The following STXBP3 variants were observed in gnomAD, a reference collection of about 807,000 sequenced individuals.
STXBP3 encodes the protein syntaxin binding protein 3.
A neutral mutation model predicts 85.7 loss-of-function variants in STXBP3; 41 were observed. The ratio of observed to expected loss-of-function variants is 0.48; its 90% confidence interval spans 0.37 to 0.62. The LOEUF (loss-of-function observed/expected upper bound fraction) is 0.62, where lower values mean the gene tolerates loss of function less well. Among genes scored for constraint, STXBP3 ranks in the 20% least tolerant of loss-of-function variants. The pLI is 0.00. For missense variants in STXBP3, 563 were observed against 703.1 expected (o/e 0.80, Z 2.25); for synonymous variants, 229 against 231.7 (o/e 0.99, Z 0.10).
intron 5 of STXBP3, 106 bp from the exon 6 acceptor site, chr1:108,759,877 CTG>C (rs756001514): frequency 1.0e-5 from 7 of 685,452 alleles, no homozygotes; most frequent in South Asian, 1.9e-5. Context: ...CTCATAATAA[CTG>C]TGAAAGCCAG....
intron 17 of STXBP3, 132 bp from the exon 18 acceptor site, chr1:108,807,257 CAAAAAAAAAAAA>C (rs201346701): frequency 0.013 from 9,214 of 685,406 alleles, 5 homozygotes; most frequent in Non-Finnish European, 0.016. Flanking sequence ...GACTCCACCT[CAAAAAAAAAAAA>C]AAAAAAAAAA....
rs951506721 is a variant in STXBP3 at position 108,760,172 on chromosome 1, T to C, written c.438+87T>C. ...GTTAATAAAGTATATTCTGAAGATATTTTTTATATGTATTTGGTGAATTTT... is the reference window on the plus strand; with the variant it reads ...GTTAATAAAGTATATTCTGAAGATACTTTTTATATGTATTTGGTGAATTTT... On this transcript the variant is annotated intron_variant, in intron 6 of 18. Coordinates refer to ENST00000370008, the MANE Select transcript of STXBP3 (RefSeq NM_007269.4). 1.1e-5 allele frequency: 8 copies of C among 708,910 alleles called. No homozygotes were observed. The East Asian group carries it at 1.5e-4, about 14-fold the overall frequency. 43.9% of individuals were successfully genotyped at this position (708,910 alleles called of 1,614,324 possible).
intron 6 of STXBP3, among the ~76,000 whole-genome samples, chr1:108,763,893 T>G (rs1215608804): frequency 6.6e-6 from 1 of 152,122 alleles, no homozygotes; most frequent in Non-Finnish European, 1.5e-5. Context: ...TAACTTTTTT[T>G]GTTAACTTTT....
intron 16 of STXBP3, among the ~76,000 whole-genome samples, chr1:108,798,838 T>C (rs1663171986): frequency 6.6e-6 from 1 of 152,200 alleles, no homozygotes; most frequent in Non-Finnish European, 1.5e-5. Flanking sequence ...TGTGGCAAAA[T>C]ATAATTTATT....
At position 108,796,848 on chromosome 1, in the gene STXBP3, G is replaced by A. The variant is rs888481841; in HGVS notation, c.1356+122G>A. ...AGTTCACTCTATAGATTTTGAATAA[G>A]TAAGCAATTAAAGATTTTGTTCTCT... On this transcript the variant is annotated intron_variant, in intron 15 of 18. Coordinates refer to ENST00000370008, the MANE Select transcript of STXBP3 (RefSeq NM_007269.4). 4 of 586,528 alleles carry A rather than the reference G, an allele frequency of 6.8e-6. No homozygotes were observed. The South Asian group carries it at 2.4e-4, about 35-fold the overall frequency. The allele number at this position is 586,528 out of a possible 1,614,324, so 36.3% of individuals were successfully genotyped here.
At position 108,771,541 on chromosome 1, in the gene STXBP3, C is replaced by A. The variant is rs1448482384; in HGVS notation, c.439-1124C>A. ...ATATATGATATATATCTATATATAT[C>A]ATATATAAATATATATGATATATAA... On this transcript the variant is annotated intron_variant, in intron 6 of 18. Coordinates refer to ENST00000370008, the MANE Select transcript of STXBP3 (RefSeq NM_007269.4). 2.3e-4 allele frequency among the ~76,000 whole-genome samples: 13 copies of A among 57,046 alleles called. 1 individual carries two copies. The highest frequency in any genetic ancestry group is 5.8e-4 in the African/African-American group (7 of 11,992). 37.4% of individuals were successfully genotyped at this position (57,046 alleles called of 152,430 possible).
chr1:108,749,156 C>T (rs979122637), intron 1 of STXBP3, among the ~76,000 whole-genome samples: 2 of 152,100 alleles, frequency 1.3e-5, no homozygotes, highest in Non-Finnish European at 2.9e-5. Context: ...GTGACAGTAG[C>T]AATGAAAAAT....
At position 108,793,157 on chromosome 1, in the gene STXBP3, A is replaced by ATTTTTTTTTCTTTTTTTTTTTTTTTT. The variant is rs751400870; in HGVS notation, c.964-416_964-415insCTTTTTTTTTTTTTTTTTTTTTTTTT. Among the ~76,000 whole-genome samples, 13 of 67,510 alleles carry ATTTTTTTTTCTTTTTTTTTTTTTTTT rather than the reference A, an allele frequency of 1.9e-4. 2 individuals carry two copies. Among genetic ancestry groups the ATTTTTTTTTCTTTTTTTTTTTTTTTT allele is most frequent in the South Asian group, 1.1e-3 (2 of 1,818 alleles). 44.3% of individuals were successfully genotyped at this position (67,510 alleles called of 152,430 possible). On this transcript the variant is annotated intron_variant, in intron 11 of 18. Coordinates refer to ENST00000370008, the MANE Select transcript of STXBP3 (RefSeq NM_007269.4). ...CTCACAGCCCCAAGCTCTTATCTCC[A>ATTTTTTTTTCTTTTTTTTTTTTTTTT]TTTTTTTTTTTTTTTTTTTTTTTTT...
At chr1:108,780,450 T>G (rs1662692009) in intron 9 of STXBP3, 1 of 152,102 alleles carries the variant, frequency 6.6e-6, no homozygotes, top group Non-Finnish European at 1.5e-5. Context: ...ACTCCCTTCT[T>G]TCTGAATCAA....
chr1:108,801,274 A>G (rs1001788290), intron 17 of STXBP3, among the ~76,000 whole-genome samples: 1 of 151,896 alleles, frequency 6.6e-6, no homozygotes, highest in Non-Finnish European at 1.5e-5. Flanking sequence ...TTCCTACTGA[A>G]TGTTTTTTTT....
Position 108,791,913 on chromosome 1 carries a change from T to C in STXBP3, c.964-1669T>C, listed in dbSNP as rs927750239. On this transcript the variant is annotated intron_variant, in intron 11 of 18. Coordinates refer to ENST00000370008, the MANE Select transcript of STXBP3 (RefSeq NM_007269.4). ...AATGGAGTAATACACTATGGCTCTTTTCATTTAGCATAATGCATTTGAGAT... is the reference window on the plus strand; with the variant it reads ...AATGGAGTAATACACTATGGCTCTTCTCATTTAGCATAATGCATTTGAGAT... 1.1e-4 allele frequency among the ~76,000 whole-genome samples: 16 copies of C among 152,314 alleles called. 2 individuals are homozygous for C. The highest frequency in any genetic ancestry group is 1.4e-4 in the African/African-American group (6 of 41,578).
chr1:108,807,286 T>C (rs1663360431), intron 17 of STXBP3, 115 bp from the exon 18 acceptor site: 1 of 944,810 alleles, frequency 1.1e-6, no homozygotes, highest in Non-Finnish European at 1.5e-6. Context: ...AAAAAATCAA[T>C]GTAATTGGTA....
At chr1:108,796,519 T>A (rs1358987620) in intron 14 of STXBP3, 101 bp from the exon 15 acceptor site, 1 of 1,234,290 alleles carries the variant, frequency 8.1e-7, no homozygotes, top group African/African-American at 1.5e-5. Context: ...AATTTGACTG[T>A]TTTTTATTTT....
Position 108,771,558 on chromosome 1 carries a change from G to C in STXBP3, c.439-1107G>C, listed in dbSNP as rs1372387772. On this transcript the variant is annotated intron_variant, in intron 6 of 18. Coordinates refer to ENST00000370008, the MANE Select transcript of STXBP3 (RefSeq NM_007269.4). ...ATATATATCATATATAAATATATATGATATATAAATATATATGATATATAT... is the reference window on the plus strand; with the variant it reads ...ATATATATCATATATAAATATATATCATATATAAATATATATGATATATAT... Among the ~76,000 whole-genome samples, 246 of 41,318 alleles carry C rather than the reference G, an allele frequency of 6.0e-3. 49 individuals carry two copies. Among genetic ancestry groups the C allele is most frequent in the Non-Finnish European group, 8.0e-3 (179 of 22,322 alleles). 27.1% of individuals were successfully genotyped at this position (41,318 alleles called of 152,430 possible). A position where few individuals can be genotyped will look rare whatever the true frequency, so the allele number is the denominator to read the frequency against.
intron 6 of STXBP3, among the ~76,000 whole-genome samples, 162 bp from the exon 7 acceptor site, chr1:108,772,503 A>C (rs951869686): frequency 1.4e-5 from 2 of 145,708 alleles, no homozygotes; most frequent in South Asian, 2.1e-4. Flanking sequence ...ATATCTATCT[A>C]TATATAATAT....
chr1:108,749,606 C>G (rs1001992691), intron 1 of STXBP3, among the ~76,000 whole-genome samples: 3 of 152,114 alleles, frequency 2.0e-5, no homozygotes, highest in Admixed American at 1.3e-4. Context: ...CTCCTTAGTT[C>G]TATAGTATTT....
At chr1:108,788,042 T>A (rs1291827025) in intron 11 of STXBP3, among the ~76,000 whole-genome samples, 1 of 152,200 alleles carries the variant, frequency 6.6e-6, no homozygotes, top group Non-Finnish European at 1.5e-5. Flanking sequence ...TCCTCCTGCC[T>A]CAGCCTCTCG....
rs753215825 is a variant in STXBP3 at position 108,758,502 on chromosome 1, T to C, written c.259-8T>C. 6.8e-7 allele frequency: 1 copy of C among 1,474,710 alleles called. No homozygotes were observed. Among genetic ancestry groups the C allele is most frequent in the African/African-American group, 1.4e-5 (1 of 70,752 alleles). 91.4% of individuals were successfully genotyped at this position (1,474,710 alleles called of 1,614,324 possible). A position where few individuals can be genotyped will look rare whatever the true frequency, so the allele number is the denominator to read the frequency against. ...TAAAATGTGTATTAACATCTAACCT[T>C]TTTTAAGTCTGTAGATTGTTTCTTA... On this transcript the variant is annotated splice_region_variant and splice_polypyrimidine_tract_variant and intron_variant, in intron 4 of 18. Coordinates refer to ENST00000370008, the MANE Select transcript of STXBP3 (RefSeq NM_007269.4).
Position 108,796,314 on chromosome 1 carries a change from A to G in STXBP3, c.1191A>G (p.Lys397=). The change falls in exon 14 of 19, where the codon AAA becomes AAG. Residue 397 remains lysine, a synonymous_variant. Coordinates refer to ENST00000370008, the MANE Select transcript of STXBP3 (RefSeq NM_007269.4). The part of the protein sequence containing the change: ...MRVLLPVLLN[K]NHDNCDKIRA... ...TACTCCTTCCAGTTCTACTCAACAA[A>G]AATCATGATAATTGTGATAAAATAA... 1 of 1,605,670 alleles carries G rather than the reference A, an allele frequency of 6.2e-7. No individual in the cohort carries two copies. The highest frequency in any genetic ancestry group is 1.1e-5 in the South Asian group (1 of 90,858).
Sources: gnomAD v4.1 joint callset for allele counts (sites outside exome capture counted in the v4.1 genomes callset) on GRCh38, gnomAD v4.1.1 for gene constraint, MANE v1.5 for transcripts, NCBI Gene and HGNC (gene_info 2026-07-23, HGNC 2026-07-21) for gene names.